TMIGD2: variants seen among roughly 807,000 people sequenced by gnomAD.
TMIGD2 encodes transmembrane and immunoglobulin domain-containing protein 2.
A neutral mutation model predicts 22.6 loss-of-function variants in TMIGD2; 18 were observed. The observed-to-expected ratio is 0.80, with a 90% CI of 0.55 to 1.18. The LOEUF (loss-of-function observed/expected upper bound fraction) is 1.18. Ranked by LOEUF, TMIGD2 falls within the 50% of genes most tolerant of loss-of-function variation. The pLI is 0.00. For synonymous variants in TMIGD2, 184 were observed against 154.1 expected (o/e 1.19, Z -1.44); for missense variants, 361 against 378.2 (o/e 0.95, Z 0.38).
rs1215427752 is a variant in TMIGD2, at chr19:4,293,108, C to T, written c.563-223G>A. ...CCTCCCAACTAGCTGGGACTACAGG[C>T]TCCCGCCACCATGCCTGGCTGATTT... On this transcript the variant is annotated intron_variant, in intron 4 of 4. Coordinates refer to ENST00000301272, the Ensembl canonical transcript of TMIGD2. 2.6e-5 allele frequency among the ~76,000 whole-genome samples: 4 copies of T among 152,166 alleles called. No homozygotes were observed. The East Asian group carries it at 7.8e-4, about 30-fold the overall frequency.
Position 4,292,623 on chromosome 19 carries a change from CCCTTTTGG to C in TMIGD2, c.817_824del (p.Pro273ValfsTer70). The C allele has an allele frequency of 6.2e-7, 1 of 1,613,130 alleles. No homozygotes were observed. Among genetic ancestry groups the C allele is most frequent in the Non-Finnish European group, 8.5e-7 (1 of 1,179,748 alleles). On this transcript the variant is annotated frameshift_variant, in exon 5 of 5. Coordinates refer to ENST00000301272, the Ensembl canonical transcript of TMIGD2. LOFTEE classifies it high-confidence loss of function. ...CTCACTCCTCTCCCACTTTGGGGAA[CCCTTTTGG>C]CCTCGGCTGCTGGGTGGGGCTTGGT...
At chr19:4,297,803 C>T (rs1005239121) in intron 2 of TMIGD2, among the ~76,000 whole-genome samples, 183 bp downstream of exon 2, 4 of 151,410 alleles carry the variant, frequency 2.6e-5, no homozygotes, top group Non-Finnish European at 5.9e-5. Flanking sequence ...TGCAGTGAGC[C>T]GAGATCGCGC....
At chr19:4,298,104 G>C (rs749260832) in exon 2 of TMIGD2, 2 of 1,613,564 alleles carry the variant, frequency 1.2e-6, no homozygotes, top group South Asian at 2.2e-5. Flanking sequence ...CCAGCTGCAG[G>C]GTGAGATGGC....
chr19:4,298,457 A>T, intron 1 of TMIGD2, 112 bp from the exon 2 acceptor site: 1 of 1,424,776 alleles, frequency 7.0e-7, no homozygotes, highest in Admixed American at 2.8e-5. Context: ...CTTGTCTAAG[A>T]CGGGTGCAGT....
chr19:4,293,037 C>A (rs1358687357), intron 4 of TMIGD2, 152 bp from the exon 5 acceptor site: 24 of 1,196,772 alleles, frequency 2.0e-5, no homozygotes, highest in Non-Finnish European at 2.7e-5. Flanking sequence ...AATCTCGGCT[C>A]ACTGCAAGCT....
chr19:4,294,806 T>A, exon 3 of TMIGD2: 1 of 1,584,182 alleles, frequency 6.3e-7, no homozygotes, highest in Non-Finnish European at 8.6e-7. Context: ...TTCTGTTCTG[T>A]GTGGGGTCAT....
chr19:4,297,842 G>A (rs1043150711), intron 2 of TMIGD2, 144 bp downstream of exon 2: 2 of 1,209,842 alleles, frequency 1.7e-6, no homozygotes, highest in Non-Finnish European at 2.2e-6. Flanking sequence ...GGACGACAGA[G>A]CAAGACTCTG....
intron 1 of TMIGD2, 61 bp from the exon 2 acceptor site, chr19:4,298,406 T>C: frequency 6.7e-7 from 1 of 1,498,194 alleles, no homozygotes; most frequent in Non-Finnish European, 8.8e-7. Context: ...GCTGTGTGAC[T>C]CACTCCCCTA....
intron 4 of TMIGD2, among the ~76,000 whole-genome samples, chr19:4,293,463 C>G (rs527644347): frequency 1.4e-5 from 2 of 141,304 alleles, no homozygotes; most frequent in African/African-American, 5.5e-5. Context: ...GGTTTCACCA[C>G]GTTGGCCAGG....
At position 4,292,794 on chromosome 19, in the gene TMIGD2, GC is replaced by G. The variant is rs746044716; in HGVS notation, c.653del (p.Gly218AlafsTer78). The G allele has an allele frequency of 6.2e-7, 1 of 1,612,974 alleles. No individual in the cohort carries two copies. Among genetic ancestry groups the G allele is most frequent in the Admixed American group, 1.7e-5 (1 of 59,474 alleles). ...GGAAGGAGGTTGAATAAATGCTCTG[GC>G]CCCTCTGGTCCTTCCCCTCTCCAGA... On this transcript the variant is annotated frameshift_variant, in exon 5 of 5. Coordinates refer to ENST00000301272, the Ensembl canonical transcript of TMIGD2. LOFTEE classifies it low-confidence loss of function (END_TRUNC).
chr19:4,292,950 T>TG, intron 4 of TMIGD2, 65 bp from the exon 5 acceptor site: 1 of 1,565,032 alleles, frequency 6.4e-7, no homozygotes, highest in Non-Finnish European at 8.6e-7. Flanking sequence ...AGCTGACCTC[T>TG]GGGGGATCTG....
chr19:4,296,798 G>A (rs1409758593), intron 2 of TMIGD2, among the ~76,000 whole-genome samples: 1 of 152,198 alleles, frequency 6.6e-6, no homozygotes, highest in East Asian at 1.9e-4. Flanking sequence ...TCTGCCAGAG[G>A]GGGCTGGACA....
At chr19:4,298,156 C>T (rs1475875733) in exon 2 of TMIGD2, 2 of 1,613,314 alleles carry the variant, frequency 1.2e-6, no homozygotes, top group Admixed American at 1.7e-5. Context: ...CCCGCAGACC[C>T]CCAGGCTGAG....
chr19:4,294,785 T>G, exon 3 of TMIGD2: 1 of 1,583,596 alleles, frequency 6.3e-7, no homozygotes, highest in African/African-American at 1.4e-5. Flanking sequence ...CTGGGAAGCT[T>G]GCGATCCGGT....
intron 4 of TMIGD2, among the ~76,000 whole-genome samples, chr19:4,293,978 T>C (rs1230865381): frequency 6.6e-6 from 1 of 151,218 alleles, no homozygotes; most frequent in Non-Finnish European, 1.5e-5. Flanking sequence ...CCCAGGCTGG[T>C]CTCAAACTCC....
intron 1 of TMIGD2, 70 bp downstream of exon 1, chr19:4,302,270 G>C (rs1971546791): frequency 6.6e-7 from 1 of 1,504,424 alleles, no homozygotes; most frequent in Non-Finnish European, 9.0e-7. Context: ...GGGGCCCTGA[G>C]CTGGGGGGCA....
intron 2 of TMIGD2, among the ~76,000 whole-genome samples, chr19:4,297,558 A>C (rs1486680458): frequency 6.6e-6 from 1 of 152,150 alleles, no homozygotes; most frequent in Non-Finnish European, 1.5e-5. Context: ...TTTGTATCCT[A>C]AAATTCTTGG....
chr19:4,292,483 C>G (rs57181230), exon 5 of TMIGD2: 2 of 1,083,286 alleles, frequency 1.8e-6, no homozygotes, highest in Non-Finnish European at 2.8e-6. Flanking sequence ...GTGTTCCACC[C>G]GCCTCGGCTT....
rs187302244 is a variant in TMIGD2 at position 4,300,512 on chromosome 19, G to A, written c.46+1828C>T. ...GCGGAGGTTGCAGTGAGCTGAGATC[G>A]CGCCACTGCACTCCAGCCTGGCGAC... On this transcript the variant is annotated intron_variant, in intron 1 of 4. Coordinates refer to ENST00000301272, the Ensembl canonical transcript of TMIGD2. 3.7e-3 allele frequency among the ~76,000 whole-genome samples: 560 copies of A among 152,206 alleles called. 2 individuals are homozygous for A. Among genetic ancestry groups the A allele is most frequent in the Middle Eastern group, 0.02 (6 of 294 alleles).
Sources: allele counts gnomAD v4.1 joint callset (sites outside exome capture counted in the v4.1 genomes callset), GRCh38; gene constraint gnomAD v4.1.1; transcripts MANE v1.5; gene names NCBI Gene and HGNC (gene_info 2026-07-23, HGNC 2026-07-21).